Variants in LRRC36 observed in about 807,000 individuals in gnomAD.
The protein encoded by LRRC36 is leucine rich repeat containing 36.
Under a neutral mutation model 81.1 loss-of-function variants are expected in LRRC36, and 62 were observed. The observed-to-expected ratio is 0.76, with a 90% CI of 0.62 to 0.94. LRRC36 has a LOEUF of 0.94. Among genes scored for constraint, LRRC36 ranks in the 40% least tolerant of loss-of-function variants. LRRC36 has a pLI of 0.00. For synonymous variants in LRRC36, 334 were observed against 348.6 expected (o/e 0.96, Z 0.47); for missense variants, 761 against 881.7 (o/e 0.86, Z 1.73).
chr16:67,365,233 C>T (rs2039329558), intron 6 of LRRC36, 71 bp from the exon 7 acceptor site: 4 of 919,352 alleles, frequency 4.4e-6, no homozygotes, highest in Non-Finnish European at 7.0e-6. Flanking sequence ...TATTCTGAAC[C>T]CCTAGTCTAA....
At chr16:67,351,901 G>C (rs2038658990) in intron 5 of LRRC36, among the ~76,000 whole-genome samples, 1 of 152,092 alleles carries the variant, frequency 6.6e-6, no homozygotes, top group Non-Finnish European at 1.5e-5. Flanking sequence ...ACAACATTTT[G>C]GTCCTAGTTA....
In LRRC36 at chr16:67,366,110, G is replaced by T. The variant is rs1466323829; in HGVS notation, c.754+755G>T. Among the ~76,000 whole-genome samples the T allele has an allele frequency of 2.7e-5, 4 of 149,402 alleles. No individual in the cohort carries two copies. The South Asian group carries it at 6.5e-4, about 24-fold the overall frequency. ...TTAGATGGGTGTAGATTTCTAGGCA[G>T]TTCGTTCTCTCTCTCTCTTCCCACT... On this transcript the variant is annotated intron_variant, in intron 7 of 13. Coordinates refer to ENST00000329956, the MANE Select transcript of LRRC36 (RefSeq NM_018296.6).
At chr16:67,373,597 A>T (rs2039752839) in intron 9 of LRRC36, among the ~76,000 whole-genome samples, 1 of 151,582 alleles carries the variant, frequency 6.6e-6, no homozygotes, top group Non-Finnish European at 1.5e-5. Context: ...AGTCCCAGCT[A>T]CTTAGGAAGC....
At position 67,377,245 on chromosome 16, in the gene LRRC36, A is replaced by C. The variant is rs534860533; in HGVS notation, c.1806+373A>C. 5.9e-5 allele frequency among the ~76,000 whole-genome samples: 9 copies of C among 152,332 alleles called. No individual in the cohort carries two copies. In the South Asian group the frequency reaches 1.9e-3, roughly 32 times the overall value. ...AGCTGAGAGCCCTGAACCAGGGGCT[A>C]AGGGCCATTCTAGAGCATCAGCCTG... is the stretch of plus-strand genomic sequence containing the variant. On this transcript the variant is annotated intron_variant, in intron 11 of 13. Transcript: ENST00000329956.
chr16:67,359,069 G>T (rs146069001), intron 5 of LRRC36, among the ~76,000 whole-genome samples: 4,396 of 152,264 alleles, frequency 0.029, 79 homozygotes, highest in Middle Eastern at 0.12. Context: ...ATGCATCGCT[G>T]GTAGGAAAGT....
At chr16:67,350,156 C>T in intron 4 of LRRC36, 46 bp from the exon 5 acceptor site, 6 of 1,212,508 alleles carry the variant, frequency 4.9e-6, no homozygotes, top group Non-Finnish European at 7.0e-6. Flanking sequence ...ATCTCAGAAG[C>T]CTTTTTTTTT....
rs570462094 is a variant in LRRC36 at position 67,362,244 on chromosome 16, C to A, written c.578-1346C>A. Reference sequence around the variant, plus strand: ...GTGGCGCGATCTCGGCTCACTGCAACCTCTACCTCCTGGGTTCAAGCAGTT... The same window carrying A: ...GTGGCGCGATCTCGGCTCACTGCAAACTCTACCTCCTGGGTTCAAGCAGTT... On this transcript the variant is annotated intron_variant, in intron 5 of 13. Transcript: ENST00000329956. The A allele has an allele frequency of 1.8e-4, 80 of 450,506 alleles. 3 individuals carry two copies. The highest frequency in any genetic ancestry group is 1.2e-3 in the South Asian group (78 of 63,930). The allele number at this position is 450,506 out of a possible 1,614,324, so 27.9% of individuals were successfully genotyped here.
chr16:67,348,819 G>A (rs28646246), intron 4 of LRRC36, among the ~76,000 whole-genome samples: 5,309 of 152,196 alleles, frequency 0.035, 307 homozygotes, highest in African/African-American at 0.12. Flanking sequence ...GAATACAGAC[G>A]ATGCTAAGAA....
At chr16:67,379,289 G>A (rs1298488182) in intron 12 of LRRC36, among the ~76,000 whole-genome samples, 1 of 152,104 alleles carries the variant, frequency 6.6e-6, no homozygotes, top group Non-Finnish European at 1.5e-5. Flanking sequence ...AGGCATAGTG[G>A]TGTGCACCTA....
At chr16:67,357,352 A>G (rs895579928) in intron 5 of LRRC36, among the ~76,000 whole-genome samples, 15 of 152,226 alleles carry the variant, frequency 9.9e-5, no homozygotes, top group African/African-American at 3.4e-4. Context: ...TAGTTATTAC[A>G]TATTAATATT....
intron 1 of LRRC36, among the ~76,000 whole-genome samples, chr16:67,332,169 C>T (rs2037525346): frequency 6.6e-6 from 1 of 152,046 alleles, no homozygotes; most frequent in East Asian, 1.9e-4. Context: ...TTATGTAACC[C>T]ATATATTAAA....
At position 67,374,919 on chromosome 16, in the gene LRRC36, C is replaced by T. The variant is rs961863275; in HGVS notation, c.1495-328C>T. 2.2e-4 allele frequency among the ~76,000 whole-genome samples: 33 copies of T among 151,704 alleles called. 1 individual carries two copies. Among genetic ancestry groups the T allele is most frequent in the African/African-American group, 7.3e-4 (30 of 41,290 alleles). ...AGCTGAGGCGGGACGATCACAAGGTCAGGAGTTGGAGACCAGCCTGGCCAA... is the reference window on the plus strand; with the variant it reads ...AGCTGAGGCGGGACGATCACAAGGTTAGGAGTTGGAGACCAGCCTGGCCAA... On this transcript the variant is annotated intron_variant, in intron 9 of 13. Transcript: ENST00000329956.
chr16:67,330,069 A>T (rs1041882208), intron 1 of LRRC36, among the ~76,000 whole-genome samples: 1 of 152,192 alleles, frequency 6.6e-6, no homozygotes, highest in African/African-American at 2.4e-5. Flanking sequence ...AGAGTTTACT[A>T]TAACCTGAAC....
chr16:67,364,404 G>A (rs1008898624), intron 6 of LRRC36, among the ~76,000 whole-genome samples: 3 of 152,150 alleles, frequency 2.0e-5, no homozygotes, highest in Non-Finnish European at 4.4e-5. Flanking sequence ...CAATAAAATT[G>A]TAGAAAATAG....
At chr16:67,384,829 C>A in intron 13 of LRRC36, 41 bp from the exon 14 acceptor site, 1 of 1,542,502 alleles carries the variant, frequency 6.5e-7, no homozygotes, top group Non-Finnish European at 8.9e-7. Context: ...ATCTCTCTTG[C>A]TTTTATGATT....
At chr16:67,377,996 A>G (rs530301251) in intron 11 of LRRC36, among the ~76,000 whole-genome samples, 63 of 152,314 alleles carry the variant, frequency 4.1e-4, no homozygotes, top group South Asian at 2.1e-3. Context: ...GAAACTTTAG[A>G]TAGATCACTA....
At chr16:67,374,318 A>G (rs1198412646) in intron 9 of LRRC36, among the ~76,000 whole-genome samples, 2 of 152,008 alleles carry the variant, frequency 1.3e-5, no homozygotes, top group Non-Finnish European at 2.9e-5. Flanking sequence ...ATGTTCTGCA[A>G]TTTAATATTT....
In LRRC36 at chr16:67,371,200, C is replaced by A; in HGVS notation, c.1452C>A (p.Asn484Lys). The A allele has an allele frequency of 6.2e-7, 1 of 1,614,180 alleles. No homozygotes were observed. The highest frequency in any genetic ancestry group is 1.1e-5 in the South Asian group (1 of 91,086). Residue 484 changes from asparagine (N) to lysine (K), a missense_variant, in exon 9 of 14, where the codon AAC (asparagine) becomes AAA (lysine). Physicochemically the swap from Asn to Lys is moderately conservative, Grantham distance 94 (BLOSUM62 0). Around this residue, in one of 3 missense-constraint regions of LRRC36, gnomAD observed 359 missense variants for 388.4 expected, o/e 0.92. Coordinates refer to ENST00000329956, the MANE Select transcript of LRRC36 (RefSeq NM_018296.6). The stretch of plus-strand genomic sequence containing the variant: ...AATGGAAGGACAATATCCTTGCCAA[C>A]CTGAATCTAAAGCATGGTTTCCAAG... ...GFKWKDNILANLNLKHGFQDA... is the reference protein window; with the variant it reads ...GFKWKDNILAKLNLKHGFQDA...
At chr16:67,383,411 G>A (rs2040186068) in intron 13 of LRRC36, among the ~76,000 whole-genome samples, 2 of 152,162 alleles carry the variant, frequency 1.3e-5, no homozygotes, top group Admixed American at 6.5e-5. Flanking sequence ...CTCAAACTTG[G>A]GTATGCCTCC....
Sources: allele counts gnomAD v4.1 joint callset (sites outside exome capture counted in the v4.1 genomes callset), GRCh38; gene constraint gnomAD v4.1.1; regional missense constraint gnomAD v4.1.1; transcripts MANE v1.5; gene names NCBI Gene and HGNC (gene_info 2026-07-23, HGNC 2026-07-21).